The following DPY19L4 variants were observed in gnomAD, a reference collection of about 807,000 sequenced individuals.
DPY19L4 encodes the protein dpy-19 like 4.
DPY19L4 carries 97 observed loss-of-function variants against 102.8 expected under a neutral mutation model. That is an observed-to-expected ratio of 0.94 (90% CI 0.80 to 1.12). The LOEUF is 1.12. DPY19L4 is among the 50% of genes most tolerant of loss of function. The probability of loss-of-function intolerance (pLI) is 0.00; values close to 1 mark genes in which losing one functional copy is unlikely to be tolerated. For missense variants in DPY19L4, 815 were observed against 850.4 expected (o/e 0.96, Z 0.52); for synonymous variants, 252 against 283.1 (o/e 0.89, Z 1.10).
chr8:94,768,526 TG>T lies in DPY19L4; in HGVS notation c.1308del (p.Met436IlefsTer14). The T allele has an allele frequency of 4.5e-6, 7 of 1,545,976 alleles. No homozygotes were observed. The highest frequency in any genetic ancestry group is 1.8e-4 in the Middle Eastern group (1 of 5,692). On this transcript the variant is annotated frameshift_variant, in exon 12 of 19. Transcript: ENST00000414645. LOFTEE classifies it high-confidence loss of function. ...GTGTTAATTATTTGTTTTCTTTCTA[TG>T]TTGCAAGTTATTTTTAGGAGGATTA... ...ILVLIICFLSMLQVIFRRING... is the reference protein window; with the variant it reads ...ILVLIICFLSXLQVIFRRING...
At chr8:94,788,777 GT>G (rs1813771214) in intron 18 of DPY19L4, among the ~76,000 whole-genome samples, 1 of 152,192 alleles carries the variant, frequency 6.6e-6, no homozygotes, top group East Asian at 1.9e-4. Flanking sequence ...CATAAGAAAA[GT>G]TTAGTAAGTC....
In DPY19L4 at chr8:94,790,250, T is replaced by C. The variant is rs1813837838; in HGVS notation, c.*340T>C. 6.2e-6 allele frequency: 1 copy of C among 161,176 alleles called. No individual in the cohort carries two copies. Among genetic ancestry groups the C allele is most frequent in the Non-Finnish European group, 1.4e-5 (1 of 74,014 alleles). 10.0% of individuals were successfully genotyped at this position (161,176 alleles called of 1,614,324 possible). ...GAATTTGAATATGTGCAAGGTCAGA[T>C]ACATTTCTCAAACATAACATTTAAT... On this transcript the variant is annotated 3_prime_UTR_variant, in exon 19 of 19. Coordinates refer to ENST00000414645, the MANE Select transcript of DPY19L4 (RefSeq NM_181787.3).
intron 2 of DPY19L4, among the ~76,000 whole-genome samples, chr8:94,730,319 C>T (rs1376934278): frequency 6.6e-6 from 1 of 152,110 alleles, no homozygotes; most frequent in Admixed American, 6.5e-5. Flanking sequence ...TTTTGATTTT[C>T]AAACTAAAAT....
chr8:94,730,674 G>A (rs1394606731), intron 2 of DPY19L4, among the ~76,000 whole-genome samples: 6 of 150,858 alleles, frequency 4.0e-5, no homozygotes, highest in African/African-American at 1.5e-4. Flanking sequence ...GAACCCAGGA[G>A]GCAGAGGTTG....
At position 94,739,942 on chromosome 8, in the gene DPY19L4, T is replaced by C. The variant is rs1811371674; in HGVS notation, c.611+152T>C. The stretch of plus-strand genomic sequence containing the variant: ...CCATTCCCATGATTATGATACTTTG[T>C]ATAGCACATTAGACAGATTGGAAAG... On this transcript the variant is annotated intron_variant, in intron 6 of 18. Transcript: ENST00000414645. The C allele has an allele frequency of 5.6e-6, 6 of 1,077,116 alleles. No individual in the cohort carries two copies. The South Asian group carries it at 7.7e-5, about 14-fold the overall frequency. The allele number at this position is 1,077,116 out of a possible 1,614,324, so 66.7% of individuals were successfully genotyped here.
At chr8:94,783,842 G>C in intron 17 of DPY19L4, 40 bp downstream of exon 17, 1 of 1,608,322 alleles carries the variant, frequency 6.2e-7, no homozygotes, top group Non-Finnish European at 8.5e-7. Flanking sequence ...CTCTTTTCCA[G>C]CACTTTGTAT....
At chr8:94,752,996 C>T (rs1376484781) in intron 6 of DPY19L4, among the ~76,000 whole-genome samples, 2 of 147,172 alleles carry the variant, frequency 1.4e-5, no homozygotes, top group Non-Finnish European at 3.0e-5. Flanking sequence ...TCTATGTACA[C>T]AGTATCTTCT....
At chr8:94,742,164 C>G (rs1811471217) in intron 6 of DPY19L4, among the ~76,000 whole-genome samples, 1 of 152,126 alleles carries the variant, frequency 6.6e-6, no homozygotes, top group Admixed American at 6.5e-5. Context: ...AGAGACCATC[C>G]TGGCTAACAC....
At position 94,783,721 on chromosome 8, in the gene DPY19L4, T is replaced by C. The variant is rs781295536; in HGVS notation, c.1767T>C (p.Gly589=). The change falls in exon 17 of 19, where the codon GGT becomes GGC. Residue 589 remains glycine (G), a synonymous_variant. Coordinates refer to ENST00000414645, the MANE Select transcript of DPY19L4 (RefSeq NM_181787.3). ...AVFAGSPQLM[G]AIKLCTGWMV... is the part of the protein sequence containing the mutation. ...TTGCAGGGAGTCCACAGTTAATGGGTGCGATTAAATTATGCACTGGATGGA... is the reference window on the plus strand; with the variant it reads ...TTGCAGGGAGTCCACAGTTAATGGGCGCGATTAAATTATGCACTGGATGGA... 8 of 1,614,124 alleles carry C rather than the reference T, an allele frequency of 5.0e-6. No homozygotes were observed. The East Asian group carries it at 1.8e-4, about 36-fold the overall frequency.
Position 94,719,929 on chromosome 8 carries a change from C to A in DPY19L4, c.-70C>A. 2 of 1,442,890 alleles carry A rather than the reference C, an allele frequency of 1.4e-6. No homozygotes were observed. The highest frequency in any genetic ancestry group is 9.2e-7 in the Non-Finnish European group (1 of 1,092,440). The allele number at this position is 1,442,890 out of a possible 1,614,324, so 89.4% of individuals were successfully genotyped here. A position where few individuals can be genotyped will look rare whatever the true frequency, so the allele number is the denominator to read the frequency against. The stretch of plus-strand genomic sequence containing the variant: ...GCGGGCCCCCGGAGGCCGAGGGGTT[C>A]GGCGACGCGGAGGGAGGGAGAGTCT... On this transcript the variant is annotated 5_prime_UTR_variant, in exon 1 of 19. Coordinates refer to ENST00000414645, the MANE Select transcript of DPY19L4 (RefSeq NM_181787.3).
intron 7 of DPY19L4, among the ~76,000 whole-genome samples, chr8:94,761,207 C>T (rs1812381316): frequency 1.3e-5 from 2 of 152,006 alleles, no homozygotes; most frequent in Non-Finnish European, 2.9e-5. Context: ...TCATAGAGAT[C>T]GCAACTCCAG....
At position 94,719,942 on chromosome 8, in the gene DPY19L4, G is replaced by A. The variant is rs2130769287; in HGVS notation, c.-57G>A. On this transcript the variant is annotated 5_prime_UTR_variant, in exon 1 of 19. Transcript: ENST00000414645. ...GGCCGAGGGGTTCGGCGACGCGGAG[G>A]GAGGGAGAGTCTGGGCCGCGCGGGA... 1.4e-6 allele frequency: 2 copies of A among 1,473,810 alleles called. No homozygotes were observed. The highest frequency in any genetic ancestry group is 1.8e-6 in the Non-Finnish European group (2 of 1,109,714). 91.3% of individuals were successfully genotyped at this position (1,473,810 alleles called of 1,614,324 possible).
At chr8:94,740,589 G>A (rs1344851635) in intron 6 of DPY19L4, among the ~76,000 whole-genome samples, 7 of 151,952 alleles carry the variant, frequency 4.6e-5, no homozygotes, top group Admixed American at 4.6e-4. Context: ...GGAGTAGCTG[G>A]GACTACAGGC....
At chr8:94,744,298 TTG>T in intron 6 of DPY19L4, 1 of 454,390 alleles carries the variant, frequency 2.2e-6, no homozygotes, top group South Asian at 1.6e-5. Context: ...TTACTGGCTT[TTG>T]GCCAGGGAGG....
intron 14 of DPY19L4, 59 bp from the exon 15 acceptor site, chr8:94,780,300 C>A: frequency 7.8e-7 from 1 of 1,279,870 alleles, no homozygotes; most frequent in Non-Finnish European, 1.0e-6. Context: ...GTGTCTATTA[C>A]CTCTAACGTG....
At chr8:94,774,342 C>T (rs186483619) in intron 13 of DPY19L4, among the ~76,000 whole-genome samples, 2 of 151,374 alleles carry the variant, frequency 1.3e-5, no homozygotes, top group Admixed American at 1.4e-4. Context: ...CCCCTGTGCC[C>T]AGCTACATTT....
chr8:94,755,592 G>A (rs1049269688), intron 6 of DPY19L4, among the ~76,000 whole-genome samples: 1 of 152,196 alleles, frequency 6.6e-6, no homozygotes, highest in Non-Finnish European at 1.5e-5. Flanking sequence ...CAAAGATGCT[G>A]TATAGACAAT....
chr8:94,725,905 G>A (rs1002084855), intron 1 of DPY19L4, among the ~76,000 whole-genome samples: 5 of 152,120 alleles, frequency 3.3e-5, no homozygotes, highest in African/African-American at 1.2e-4. Context: ...CCAAAGTGCT[G>A]GGATTACAGG....
At position 94,768,564 on chromosome 8, in the gene DPY19L4, A is replaced by G. The variant is rs1245162842; in HGVS notation, c.1334+11A>G. On this transcript the variant is annotated intron_variant, in intron 12 of 18. Coordinates refer to ENST00000414645, the MANE Select transcript of DPY19L4 (RefSeq NM_181787.3). ...TTTTAGGAGGATTAAGTAAGTACCT[A>G]TGAGAATCAATCATATTACTAACAT... is the stretch of plus-strand genomic sequence containing the variant. 3 of 1,383,716 alleles carry G rather than the reference A, an allele frequency of 2.2e-6. No individual in the cohort carries two copies. Among genetic ancestry groups the G allele is most frequent in the African/African-American group, 3.0e-5 (2 of 67,740 alleles). 85.7% of individuals were successfully genotyped at this position (1,383,716 alleles called of 1,614,324 possible). A position where few individuals can be genotyped will look rare whatever the true frequency, so the allele number is the denominator to read the frequency against.
Sources: gnomAD v4.1 joint callset for allele counts (sites outside exome capture counted in the v4.1 genomes callset) on GRCh38, gnomAD v4.1.1 for gene constraint, MANE v1.5 for transcripts, NCBI Gene and HGNC (gene_info 2026-07-23, HGNC 2026-07-21) for gene names.